The following CHL1 variants were observed in gnomAD, a reference collection of about 807,000 sequenced individuals.
The protein encoded by CHL1 is cell adhesion molecule L1 like.
CHL1 carries 96 observed loss-of-function variants against 141.9 expected under a neutral mutation model. The ratio of observed to expected loss-of-function variants is 0.68; its 90% CI spans 0.57 to 0.80. The LOEUF is 0.80. Ranked by LOEUF, CHL1 falls within the 30% of genes least tolerant of loss-of-function variation. The pLI is 0.00. For missense variants in CHL1, 1,820 were observed against 1,457.2 expected, an observed-to-expected ratio of 1.25 and a Z score of -4.05; for synonymous variants, 613 against 502.2, an observed-to-expected ratio of 1.22 and a Z score of -2.95.
chr3:267,636 G>A lies in CHL1; in HGVS notation c.-95+22944G>A, dbSNP rs192105403. ...TACATTATATCTCATTATCTTTACC[G>A]ATTTTAAAATTAACACCTAATTAAA... On this transcript the variant is annotated intron_variant, in intron 2 of 27. Coordinates refer to ENST00000256509, the MANE Select transcript of CHL1 (RefSeq NM_006614.4). 1.7e-3 allele frequency among the ~76,000 whole-genome samples: 256 copies of A among 152,082 alleles called. 3 individuals are homozygous for A. Among genetic ancestry groups the A allele is most frequent in the African/African-American group, 5.7e-3 (237 of 41,466 alleles).
chr3:337,980 C>A (rs1202230384), intron 5 of CHL1, among the ~76,000 whole-genome samples: 1 of 152,152 alleles, frequency 6.6e-6, no homozygotes, highest in East Asian at 1.9e-4. Flanking sequence ...GTTTACAGTC[C>A]CACCAACAGT....
At chr3:268,817 G>C (rs1695385797) in intron 2 of CHL1, among the ~76,000 whole-genome samples, 1 of 152,182 alleles carries the variant, frequency 6.6e-6, no homozygotes, top group Non-Finnish European at 1.5e-5. Flanking sequence ...CAATTATTAG[G>C]AGTTAGGTTT....
chr3:275,770 T>C (rs1385775963), intron 2 of CHL1, among the ~76,000 whole-genome samples: 1 of 152,162 alleles, frequency 6.6e-6, no homozygotes, highest in Non-Finnish European at 1.5e-5. Context: ...AGCCTATTAC[T>C]GTGTTCTAAA....
chr3:212,595 A>G (rs543463345), intron 1 of CHL1, among the ~76,000 whole-genome samples: 2 of 152,290 alleles, frequency 1.3e-5, no homozygotes, highest in African/African-American at 4.8e-5. Context: ...TTTGACCATG[A>G]TGTCACTTAC....
intron 15 of CHL1, among the ~76,000 whole-genome samples, chr3:368,981 G>A (rs1470359724): frequency 2.6e-5 from 4 of 152,190 alleles, no homozygotes; most frequent in Admixed American, 1.3e-4. Context: ...GTACCATGCT[G>A]TTTTGGTTAC....
In CHL1 at chr3:242,460, G is replaced by T. The variant is rs146749407; in HGVS notation, c.-174-2153G>T. Among the ~76,000 whole-genome samples, 838 of 147,406 alleles carry T rather than the reference G, an allele frequency of 5.7e-3. 28 individuals are homozygous for T. The highest frequency in any genetic ancestry group is 0.02 in the African/African-American group (794 of 39,952). ...AAATACAAAAAATTATCCCGGCGTG[G>T]TGGTGGGCGCCTGTAGTCCCAGCTA... On this transcript the variant is annotated intron_variant, in intron 1 of 27. Transcript: ENST00000256509.
chr3:303,858 G>T (rs953020241), intron 2 of CHL1, among the ~76,000 whole-genome samples: 1 of 151,872 alleles, frequency 6.6e-6, no homozygotes, highest in African/African-American at 2.4e-5. Flanking sequence ...ATTGGTTGTG[G>T]GTTTGCCATA....
intron 26 of CHL1, 88 bp downstream of exon 26, chr3:399,236 A>G (rs989287271): frequency 1.9e-6 from 2 of 1,053,186 alleles, no homozygotes; most frequent in Non-Finnish European, 2.9e-6. Context: ...TTAAAAATAC[A>G]CATTCAAGTC....
At position 408,138 on chromosome 3, in the gene CHL1, A is replaced by G. The variant is rs950694860; in HGVS notation, c.*2427A>G. 2.6e-5 allele frequency: 4 copies of G among 152,162 alleles called. No homozygotes were observed. Among genetic ancestry groups the G allele is most frequent in the African/African-American group, 9.7e-5 (4 of 41,440 alleles). 9.4% of individuals were successfully genotyped at this position (152,162 alleles called of 1,614,324 possible). A position where few individuals can be genotyped will look rare whatever the true frequency, so the allele number is the denominator to read the frequency against. ...ATGGATTTCATGATTTTCCCTCAGAAAATGAGTAACAGAGTCCACGGCGTG... is the reference window on the plus strand; with the variant it reads ...ATGGATTTCATGATTTTCCCTCAGAGAATGAGTAACAGAGTCCACGGCGTG... On this transcript the variant is annotated 3_prime_UTR_variant, in exon 28 of 28. Transcript: ENST00000256509.
rs987942967 is a variant in CHL1, at chr3:259,592, C to A, written c.-95+14900C>A. On this transcript the variant is annotated intron_variant, in intron 2 of 27. Transcript: ENST00000256509. Reference sequence around the variant, plus strand: ...ATGTCCCATTGCTTGTTATCTCATCCACCATTCCTTGCTATCTGCTTTACC... The same window carrying A: ...ATGTCCCATTGCTTGTTATCTCATCAACCATTCCTTGCTATCTGCTTTACC... Among the ~76,000 whole-genome samples the A allele has an allele frequency of 5.9e-5, 9 of 152,066 alleles. No homozygotes were observed. In the East Asian group the frequency reaches 1.7e-3, roughly 29 times the overall value.
At chr3:286,346 C>G (rs980525716) in intron 2 of CHL1, among the ~76,000 whole-genome samples, 1 of 152,102 alleles carries the variant, frequency 6.6e-6, no homozygotes, top group Admixed American at 6.5e-5. Context: ...CATGGTGGCT[C>G]ATGCCTGTAA....
intron 25 of CHL1, among the ~76,000 whole-genome samples, chr3:398,680 C>A (rs550849317): frequency 6.6e-6 from 1 of 152,150 alleles, no homozygotes; most frequent in African/African-American, 2.4e-5. Flanking sequence ...CAAAAACCAC[C>A]GGTCTCCATG....
intron 3 of CHL1, among the ~76,000 whole-genome samples, chr3:320,615 A>G (rs957234378): frequency 6.6e-6 from 1 of 152,046 alleles, no homozygotes. Context: ...TGAGCCCAGG[A>G]GTTCAAGACT....
chr3:343,922 T>G (rs1702551071), intron 8 of CHL1, among the ~76,000 whole-genome samples: 1 of 152,248 alleles, frequency 6.6e-6, no homozygotes, highest in African/African-American at 2.4e-5. Context: ...GAAGACTGTC[T>G]ACTGCTAAAG....
intron 2 of CHL1, among the ~76,000 whole-genome samples, chr3:277,621 T>C (rs1381874099): frequency 6.6e-6 from 1 of 152,018 alleles, no homozygotes. Context: ...TGGAAAAAAA[T>C]GCAAAAAAAG....
chr3:369,860 T>A (rs1430110949), intron 15 of CHL1, among the ~76,000 whole-genome samples: 1 of 152,246 alleles, frequency 6.6e-6, no homozygotes, highest in African/African-American at 2.4e-5. Flanking sequence ...GATAATCATG[T>A]GGATTTTGTC....
intron 1 of CHL1, among the ~76,000 whole-genome samples, chr3:206,884 G>C (rs1001902990): frequency 6.6e-6 from 1 of 152,226 alleles, no homozygotes; most frequent in African/African-American, 2.4e-5. Context: ...GGTATTATAT[G>C]TAACCAATTG....
intron 23 of CHL1, among the ~76,000 whole-genome samples, chr3:393,579 A>G (rs1388539669): frequency 6.6e-6 from 1 of 151,986 alleles, no homozygotes; most frequent in African/African-American, 2.4e-5. Context: ...ATAATATATA[A>G]TTATTTTGCT....
chr3:313,973 CTAAA>C, intron 2 of CHL1, among the ~76,000 whole-genome samples: 1 of 152,122 alleles, frequency 6.6e-6, no homozygotes, highest in East Asian at 1.9e-4. Flanking sequence ...GTTGCTTAAA[CTAAA>C]TATGCAGAAC....
Sources: allele counts gnomAD v4.1 joint callset (sites outside exome capture counted in the v4.1 genomes callset), GRCh38; gene constraint gnomAD v4.1.1; transcripts MANE v1.5; gene names NCBI Gene and HGNC (gene_info 2026-07-23, HGNC 2026-07-21).